The following ATG2B variants were observed in gnomAD, a reference collection of about 807,000 sequenced individuals.
The protein encoded by ATG2B is autophagy related 2B, also known as autophagy-related protein 2 homolog B.
ATG2B carries 121 observed loss-of-function variants against 241.3 expected under a neutral mutation model. That is an observed-to-expected ratio of 0.50 (90% CI 0.43 to 0.58). The LOEUF is 0.58. Among genes scored for constraint, ATG2B ranks in the 20% least tolerant of loss-of-function variants. The pLI is 0.00. For missense variants in ATG2B, 2,306 were observed against 2,491.6 expected (o/e 0.93, Z 1.59); for synonymous variants, 858 against 876.6 (o/e 0.98, Z 0.37).
chr14:96,305,555 C>T (rs1034166885), intron 31 of ATG2B, 34 bp downstream of exon 31: 1 of 1,390,686 alleles, frequency 7.2e-7, no homozygotes, highest in African/African-American at 1.5e-5. Flanking sequence ...AATATATTGG[C>T]CTCCCAAATA....
Position 96,343,136 on chromosome 14 carries a change from A to G in ATG2B, c.727T>C (p.Cys243Arg), listed in dbSNP as rs1310260257. The change falls in exon 5 of 42, where the codon TGT (cysteine) becomes CGT (arginine). Residue 243 changes from cysteine (C) to arginine (R), a missense_variant. This residue lies in a region of ATG2B where 1,927 missense variants were observed against 2,011.2 expected (regional missense o/e 0.96). Coordinates refer to ENST00000359933, the MANE Select transcript of ATG2B (RefSeq NM_018036.7). ...FSASAKSSPV[C>R]STAPVETEPK... ...TTTCTTACCACTGGTGCAGTTGAAC[A>G]CACTGGGGAAGATTTGGCTGATGCA... 2.5e-6 allele frequency: 4 copies of G among 1,591,338 alleles called. No homozygotes were observed. In the Admixed American group the frequency reaches 5.4e-5, roughly 22 times the overall value.
At position 96,328,705 on chromosome 14, in the gene ATG2B, T is replaced by C. The variant is rs1230285236; in HGVS notation, c.1943A>G (p.His648Arg). The C allele has an allele frequency of 1.9e-6, 3 of 1,611,502 alleles. No individual in the cohort carries two copies. Among genetic ancestry groups the C allele is most frequent in the East Asian group, 2.2e-5 (1 of 44,802 alleles). The part of the protein sequence containing the change: ...GSHSPVCLQL[H>R]YKHSENRGPQ... The stretch of plus-strand genomic sequence containing the variant: ...CCCTCTATTCTCAGAATGCTTATAA[T>C]GAAGCTGAAGACACACAGGGGAATG... The change falls in exon 13 of 42, where the codon CAT becomes CGT. Residue 648 changes from histidine (H) to arginine (R), a missense_variant. Physicochemically the swap from His to Arg is conservative, Grantham distance 29. This residue lies in a region of ATG2B where 1,927 missense variants were observed against 2,011.2 expected (regional missense o/e 0.96). Coordinates refer to ENST00000359933, the MANE Select transcript of ATG2B (RefSeq NM_018036.7).
intron 41 of ATG2B, 52 bp from the exon 42 acceptor site, chr14:96,286,037 C>T (rs755646098): frequency 4.8e-5 from 70 of 1,455,600 alleles, no homozygotes; most frequent in Middle Eastern, 1.8e-4. Flanking sequence ...AAACTCTGGT[C>T]GGAAAACTCT....
intron 5 of ATG2B, among the ~76,000 whole-genome samples, chr14:96,342,670 C>T (rs1372716506): frequency 1.4e-5 from 2 of 147,416 alleles, no homozygotes; most frequent in Admixed American, 6.8e-5. Flanking sequence ...TGCAGTGAGT[C>T]GAGATTGCGC....
chr14:96,291,040 G>A (rs1252115832), intron 38 of ATG2B, 105 bp from the exon 39 acceptor site: 68 of 950,222 alleles, frequency 7.2e-5, no homozygotes, highest in South Asian at 1.4e-4. Context: ...AAATTATAAG[G>A]GCAAATATTA....
chr14:96,332,100 G>A (rs1887751829), intron 10 of ATG2B, among the ~76,000 whole-genome samples: 1 of 151,426 alleles, frequency 6.6e-6, no homozygotes, highest in South Asian at 2.1e-4. Context: ...AAATATTTAA[G>A]TATTTAAATA....
chr14:96,329,501 G>C lies in ATG2B; in HGVS notation c.1864C>G (p.Pro622Ala). 2 of 1,611,082 alleles carry C rather than the reference G, an allele frequency of 1.2e-6. No individual in the cohort carries two copies. The highest frequency in any genetic ancestry group is 1.7e-6 in the Non-Finnish European group (2 of 1,178,108). Residue 622 changes from proline to alanine, a missense_variant, in exon 12 of 42, where the codon CCT becomes GCT. Pro to Ala is a conservative substitution (Grantham distance 27). Transcript: ENST00000359933. ...ATATTTACCTCTGTATAGTGAGGAG[G>C]AACAGAATGAAAATCAGTTGGAAAT... ...CLFPTDFHSV[P>A]PHYTELLTFH...
chr14:96,353,620 T>C (rs1221630201), intron 1 of ATG2B, among the ~76,000 whole-genome samples: 1 of 147,938 alleles, frequency 6.8e-6, no homozygotes, highest in Non-Finnish European at 1.5e-5. Context: ...AGTGAGAATC[T>C]GTCTCAAAAA....
chr14:96,307,479 T>A (rs898170588), intron 29 of ATG2B, among the ~76,000 whole-genome samples: 7 of 152,074 alleles, frequency 4.6e-5, no homozygotes, highest in African/African-American at 1.7e-4. Flanking sequence ...AATGGCAATG[T>A]CACAAAGACA....
rs917618736 is a variant in ATG2B at position 96,280,301 on chromosome 14, G to A, written c.*5454C>T. The A allele has an allele frequency of 6.6e-6, 1 of 152,218 alleles. No individual in the cohort carries two copies. Among genetic ancestry groups the A allele is most frequent in the Non-Finnish European group, 1.5e-5 (1 of 68,044 alleles). 9.4% of individuals were successfully genotyped at this position (152,218 alleles called of 1,614,324 possible). On this transcript the variant is annotated 3_prime_UTR_variant, in exon 42 of 42. Coordinates refer to ENST00000359933, the MANE Select transcript of ATG2B (RefSeq NM_018036.7). The stretch of plus-strand genomic sequence containing the variant: ...AATGAAGTCCTGGGAAGAGCATGAG[G>A]TCTGGAAGTCAAACCATGTGACGGT...
chr14:96,309,814 C>G (rs1215206526), intron 28 of ATG2B, among the ~76,000 whole-genome samples: 1 of 152,178 alleles, frequency 6.6e-6, no homozygotes. Context: ...CACCTCAAAG[C>G]AAGCACAGTG....
At chr14:96,305,839 C>T in intron 30 of ATG2B, 24 bp from the exon 31 acceptor site, 1 of 1,570,138 alleles carries the variant, frequency 6.4e-7, no homozygotes, top group South Asian at 1.1e-5. Flanking sequence ...ACAGGTAACA[C>T]ATACTCTCTT....
chr14:96,330,176 C>T (rs1024819271), intron 11 of ATG2B, among the ~76,000 whole-genome samples: 3 of 150,980 alleles, frequency 2.0e-5, no homozygotes, highest in Admixed American at 2.0e-4. Flanking sequence ...ATGGTGAAAC[C>T]CCATCTCTCT....
rs188054443 is a variant in ATG2B, at chr14:96,323,093, T to C, written c.2541-358A>G. Among the ~76,000 whole-genome samples, 1,465 of 152,326 alleles carry C rather than the reference T, an allele frequency of 9.6e-3. 13 individuals are homozygous for C. The highest frequency in any genetic ancestry group is 0.015 in the Non-Finnish European group (1,002 of 68,024). ...GTCTGTTCTGCTATAATAAATTACTTGTCTACCTAAGAAACCTCATGTTAT... is the reference window on the plus strand; with the variant it reads ...GTCTGTTCTGCTATAATAAATTACTCGTCTACCTAAGAAACCTCATGTTAT... On this transcript the variant is annotated intron_variant, in intron 16 of 41. Transcript: ENST00000359933.
intron 33 of ATG2B, among the ~76,000 whole-genome samples, chr14:96,302,848 T>G (rs1886829404): frequency 6.6e-6 from 1 of 152,228 alleles, no homozygotes; most frequent in Non-Finnish European, 1.5e-5. Context: ...CAGATATCAA[T>G]TTATTAGCAA....
At chr14:96,347,609 T>C (rs1888204330) in intron 1 of ATG2B, among the ~76,000 whole-genome samples, 3 of 152,108 alleles carry the variant, frequency 2.0e-5, no homozygotes, top group African/African-American at 4.8e-5. Context: ...AATCAGAACA[T>C]ATAAGGAGCT....
Position 96,343,173 on chromosome 14 carries a change from C to T in ATG2B, c.690G>A (p.Trp230Ter). 1 of 1,606,624 alleles carries T rather than the reference C, an allele frequency of 6.2e-7. No individual in the cohort carries two copies. ...ATTTGGCTGATGCAGAAAACTCATC[C>T]CAGAAGAGAGACACTCCAGAGAGCT... Reference protein sequence around the residue: ...LLQLSGVSLFWDEFSASAKSS... With the variant: ...LLQLSGVSLF Residue 230 changes from tryptophan to a stop codon, truncating the protein, a stop_gained, in exon 5 of 42, where the codon TGG becomes TGA. Coordinates refer to ENST00000359933, the MANE Select transcript of ATG2B (RefSeq NM_018036.7). LOFTEE classifies it high-confidence loss of function.
At chr14:96,309,666 T>C (rs1887096369) in intron 28 of ATG2B, 72 bp from the exon 29 acceptor site, 1 of 1,395,868 alleles carries the variant, frequency 7.2e-7, no homozygotes, top group East Asian at 2.3e-5. Flanking sequence ...ATTTATTTTA[T>C]CCCAAAAATA....
At chr14:96,340,077 G>A (rs1301576817) in intron 6 of ATG2B, among the ~76,000 whole-genome samples, 3 of 106,204 alleles carry the variant, frequency 2.8e-5, no homozygotes, top group East Asian at 4.9e-4. Flanking sequence ...TATGTGATAT[G>A]ATATATATGA....
Sources: allele counts gnomAD v4.1 joint callset (sites outside exome capture counted in the v4.1 genomes callset), GRCh38; gene constraint gnomAD v4.1.1; regional missense constraint gnomAD v4.1.1; transcripts MANE v1.5; gene names NCBI Gene and HGNC (gene_info 2026-07-23, HGNC 2026-07-21).